FKBP4: variants seen among roughly 807,000 people sequenced by gnomAD.
FKBP4 encodes FKBP prolyl isomerase 4.
FKBP4 carries 28 observed loss-of-function variants against 54.1 expected under a neutral mutation model. That is an observed-to-expected ratio of 0.52 (90% CI 0.38 to 0.71). The LOEUF (loss-of-function observed/expected upper bound fraction) is 0.71, where lower values mean the gene tolerates loss of function less well. FKBP4 is among the 30% of genes least tolerant of loss of function. The pLI, the probability that FKBP4 is intolerant of heterozygous loss-of-function variation, is 0.00. For synonymous variants in FKBP4, 223 were observed against 216.1 expected (o/e 1.03, Z -0.28); for missense variants, 493 against 574.4 (o/e 0.86, Z 1.45).
Position 2,799,120 on chromosome 12 carries a change from T to A in FKBP4, c.547T>A (p.Phe183Ile). ...ALEGYYKDKL[F>I]DQRELRFEIG... The stretch of plus-strand genomic sequence containing the variant: ...GGAAGGGTACTACAAGGACAAGCTC[T>A]TTGACCAGCGGGAGCTCCGCTTTGA... The change falls in exon 5 of 10, where the codon TTT (phenylalanine) becomes ATT (isoleucine). Residue 183 changes from phenylalanine to isoleucine, a missense_variant. By Grantham distance (21) the Phe-to-Ile change is conservative. Coordinates refer to ENST00000001008, the MANE Select transcript of FKBP4 (RefSeq NM_002014.4). 1 of 1,567,702 alleles carries A rather than the reference T, an allele frequency of 6.4e-7. No homozygotes were observed. The highest frequency in any genetic ancestry group is 1.2e-5 in the South Asian group (1 of 81,850).
intron 8 of FKBP4, 137 bp from the exon 9 acceptor site, chr12:2,800,980 C>T: frequency 3.5e-6 from 4 of 1,156,872 alleles, no homozygotes; most frequent in African/African-American, 1.5e-5. Flanking sequence ...TGCCTCAGGC[C>T]TTGTTCTTCC....
chr12:2,801,496 G>A, intron 9 of FKBP4, 140 bp downstream of exon 9: 1 of 1,171,278 alleles, frequency 8.5e-7, no homozygotes, highest in Non-Finnish European at 1.2e-6. Flanking sequence ...AGGAGCACGT[G>A]TTCCTGCTGT....
At chr12:2,796,008 G>A (rs1461568236) in intron 1 of FKBP4, 1 of 1,152,262 alleles carries the variant, frequency 8.7e-7, no homozygotes, top group Admixed American at 4.3e-5. Flanking sequence ...GGAGCCTGCC[G>A]CCGAGTGACC....
At position 2,798,616 on chromosome 12, in the gene FKBP4, G is replaced by A. The variant is rs2097903138; in HGVS notation, c.394-90G>A. 3.1e-6 allele frequency: 5 copies of A among 1,594,860 alleles called. No individual in the cohort carries two copies. Among genetic ancestry groups the A allele is most frequent in the Admixed American group, 1.7e-5 (1 of 59,472 alleles). On this transcript the variant is annotated intron_variant, in intron 3 of 9. Coordinates refer to ENST00000001008, the MANE Select transcript of FKBP4 (RefSeq NM_002014.4). This position sits in a 1 kb window ranked among gnomAD's most constrained non-coding sequence, Gnocchi z 4.3. ...CCTTGTGGTCAGATCCGGCCTGGCA[G>A]TTAGTAGGGACTCTCTCGGATGAGA...
At position 2,799,158 on chromosome 12, in the gene FKBP4, G is replaced by A. The variant is rs2153919801; in HGVS notation, c.585G>A (p.Gly195=). 1 of 1,595,246 alleles carries A rather than the reference G, an allele frequency of 6.3e-7. No homozygotes were observed. Among genetic ancestry groups the A allele is most frequent in the South Asian group, 1.1e-5 (1 of 87,944 alleles). The change falls in exon 5 of 10, where the codon GGG becomes GGA. Residue 195 remains glycine, a synonymous_variant. Coordinates refer to ENST00000001008, the MANE Select transcript of FKBP4 (RefSeq NM_002014.4). ...QRELRFEIGE[G]ENLDLPYGLE... Reference sequence around the variant, plus strand: ...AGCTCCGCTTTGAGATTGGCGAGGGGGAGAACCTGGATCTGCCTTATGGTC... The same window carrying A: ...AGCTCCGCTTTGAGATTGGCGAGGGAGAGAACCTGGATCTGCCTTATGGTC...
Position 2,801,624 on chromosome 12 carries a change from C to A in FKBP4, c.1272+268C>A, listed in dbSNP as rs538137092. 1.5e-5 allele frequency: 8 copies of A among 550,088 alleles called. No homozygotes were observed. In the East Asian group the frequency reaches 3.5e-4, roughly 24 times the overall value. 34.1% of individuals were successfully genotyped at this position (550,088 alleles called of 1,614,324 possible). A position where few individuals can be genotyped will look rare whatever the true frequency, so the allele number is the denominator to read the frequency against. ...TTCTTGTGGGCCAGGCGCCGTGGCT[C>A]ACACCTGCAATCCCAGCACTTTGCA... On this transcript the variant is annotated intron_variant, in intron 9 of 9. Coordinates refer to ENST00000001008, the MANE Select transcript of FKBP4 (RefSeq NM_002014.4).
rs370273909 is a variant in FKBP4 at position 2,795,949 on chromosome 12, C to A, written c.105+705C>A. 3 of 1,025,520 alleles carry A rather than the reference C, an allele frequency of 2.9e-6. No individual in the cohort carries two copies. The highest frequency in any genetic ancestry group is 3.3e-5 in the South Asian group (1 of 30,138). The allele number at this position is 1,025,520 out of a possible 1,614,324, so 63.5% of individuals were successfully genotyped here. A position where few individuals can be genotyped will look rare whatever the true frequency, so the allele number is the denominator to read the frequency against. ...AGTCCCCTCCCCCCTCCGCCGCCTC[C>A]CGGAGCCAGGGCTGCGGGGTGTGGG... On this transcript the variant is annotated intron_variant, in intron 1 of 9. Transcript: ENST00000001008. This position sits in a 1 kb window ranked among gnomAD's most constrained non-coding sequence, Gnocchi z 4.3.
At chr12:2,797,369 A>C in intron 2 of FKBP4, 87 bp downstream of exon 2, 86 of 1,487,086 alleles carry the variant, frequency 5.8e-5, no homozygotes, top group Non-Finnish European at 7.0e-5. Flanking sequence ...GACCAAGCTC[A>C]GGGAGGAATG....
In FKBP4 at chr12:2,797,720, T is replaced by G. The variant is rs759053352; in HGVS notation, c.251-9T>G. The G allele has an allele frequency of 1.9e-6, 3 of 1,609,044 alleles. No homozygotes were observed. Among genetic ancestry groups the G allele is most frequent in the Non-Finnish European group, 2.5e-6 (3 of 1,176,510 alleles). On this transcript the variant is annotated splice_polypyrimidine_tract_variant and intron_variant, in intron 2 of 9. Transcript: ENST00000001008. ...GCTAAGGCGGTCCTGTTTGCTTCTG[T>G]ACCTGCAGGGGAGGTCATCAAGGCT...
intron 9 of FKBP4, among the ~76,000 whole-genome samples, chr12:2,802,143 T>C (rs1254428468): frequency 6.6e-6 from 1 of 152,196 alleles, no homozygotes; most frequent in African/African-American, 2.4e-5. Context: ...GTTTTATTTT[T>C]TTTCTTTTTC....
rs1565399225 is a variant in FKBP4 at position 2,803,999 on chromosome 12, A to G, written c.*741A>G. ...CTTGGAGTGGTGGGTATGGGTGGGTACATAATGGGTAGTAGCACAATCAAG... is the reference window on the plus strand; with the variant it reads ...CTTGGAGTGGTGGGTATGGGTGGGTGCATAATGGGTAGTAGCACAATCAAG... On this transcript the variant is annotated 3_prime_UTR_variant, in exon 10 of 10. Transcript: ENST00000001008. 1 of 152,712 alleles carries G rather than the reference A, an allele frequency of 6.5e-6. No individual in the cohort carries two copies. The highest frequency in any genetic ancestry group is 1.5e-5 in the Non-Finnish European group (1 of 68,098). 9.5% of individuals were successfully genotyped at this position (152,712 alleles called of 1,614,324 possible).
At position 2,801,254 on chromosome 12, in the gene FKBP4, G is replaced by T; in HGVS notation, c.1170G>T (p.Lys390Asn). The T allele has an allele frequency of 6.2e-7, 1 of 1,613,706 alleles. No individual in the cohort carries two copies. Among genetic ancestry groups the T allele is most frequent in the Non-Finnish European group, 8.5e-7 (1 of 1,180,052 alleles). Residue 390 changes from lysine (K) to asparagine (N), a missense_variant, in exon 9 of 10, where the codon AAG (lysine) becomes AAT (asparagine). Coordinates refer to ENST00000001008, the MANE Select transcript of FKBP4 (RefSeq NM_002014.4). The stretch of plus-strand genomic sequence containing the variant: ...TCTACCCCAACAACAAAGCCGCCAA[G>T]ACCCAGCTGGCTGTGTGCCAGCAGC... ...LQLYPNNKAA[K>N]TQLAVCQQRI...
intron 9 of FKBP4, among the ~76,000 whole-genome samples, chr12:2,802,299 G>A (rs562346658): frequency 6.6e-5 from 10 of 151,816 alleles, no homozygotes; most frequent in African/African-American, 1.2e-4. Flanking sequence ...CACCACACCC[G>A]GCTAATTTTT....
chr12:2,799,487 C>T (rs530892787), intron 5 of FKBP4, among the ~76,000 whole-genome samples: 165 of 152,324 alleles, frequency 1.1e-3, no homozygotes, highest in Non-Finnish European at 2.0e-3. Flanking sequence ...ATTTTCCTCT[C>T]CCATTAATTC....
chr12:2,798,572 C>T lies in FKBP4; in HGVS notation c.394-134C>T. 1 of 1,476,978 alleles carries T rather than the reference C, an allele frequency of 6.8e-7. No homozygotes were observed. Among genetic ancestry groups the T allele is most frequent in the Non-Finnish European group, 9.2e-7 (1 of 1,082,032 alleles). 91.5% of individuals were successfully genotyped at this position (1,476,978 alleles called of 1,614,324 possible). On this transcript the variant is annotated intron_variant, in intron 3 of 9. Coordinates refer to ENST00000001008, the MANE Select transcript of FKBP4 (RefSeq NM_002014.4). This position sits in a 1 kb window ranked among gnomAD's most constrained non-coding sequence, Gnocchi z 4.3. The stretch of plus-strand genomic sequence containing the variant: ...AGAACTGAAAAAAAGTGCCACTCTA[C>T]CCAACTCCTTGTGACTGCCCTTGTG...
At position 2,795,820 on chromosome 12, in the gene FKBP4, G is replaced by T; in HGVS notation, c.105+576G>T. The stretch of plus-strand genomic sequence containing the variant: ...CGCGACAGGGTTCCGGCGCCCTCCC[G>T]GGGTCCCCTGCCGACGCCGGGACCC... On this transcript the variant is annotated intron_variant, in intron 1 of 9. Transcript: ENST00000001008. The surrounding 1 kb of genome is among the most constrained non-coding windows in gnomAD (Gnocchi z 4.3). The T allele has an allele frequency of 2.8e-6, 1 of 359,420 alleles. No individual in the cohort carries two copies. The highest frequency in any genetic ancestry group is 3.9e-6 in the Non-Finnish European group (1 of 256,810). 22.3% of individuals were successfully genotyped at this position (359,420 alleles called of 1,614,324 possible). A position where few individuals can be genotyped will look rare whatever the true frequency, so the allele number is the denominator to read the frequency against.
intron 1 of FKBP4, chr12:2,796,506 C>T (rs1234014694): frequency 3.0e-5 from 36 of 1,200,496 alleles, no homozygotes; most frequent in Non-Finnish European, 3.7e-5. Flanking sequence ...GAAGCCTTTA[C>T]GTTTCTGGGA....
At chr12:2,799,037 C>T in intron 4 of FKBP4, 51 bp from the exon 5 acceptor site, 2 of 1,516,250 alleles carry the variant, frequency 1.3e-6, no homozygotes, top group Non-Finnish European at 1.8e-6. Flanking sequence ...CATCCTTCCT[C>T]AGTCACCTGC....
chr12:2,797,691 C>G, intron 2 of FKBP4, 38 bp from the exon 3 acceptor site: 1 of 1,577,950 alleles, frequency 6.3e-7, no homozygotes. Flanking sequence ...AGAATCAGAA[C>G]CCTGCTAAGG....
Sources: allele counts gnomAD v4.1 joint callset (sites outside exome capture counted in the v4.1 genomes callset), GRCh38; gene constraint gnomAD v4.1.1; non-coding constraint Gnocchi (gnomAD v3.1); transcripts MANE v1.5; gene names NCBI Gene and HGNC (gene_info 2026-07-23, HGNC 2026-07-21).